STRN3: variants seen among roughly 807,000 people sequenced by gnomAD.
STRN3 encodes striatin 3.
A neutral mutation model predicts 95.6 loss-of-function variants in STRN3; 29 were observed. The ratio of observed to expected loss-of-function variants is 0.30; its 90% confidence interval spans 0.23 to 0.41. The LOEUF (loss-of-function observed/expected upper bound fraction) is 0.41, where lower values mean the gene tolerates loss of function less well. STRN3 is among the 10% of genes least tolerant of loss of function. STRN3 has a pLI of 1.00. For synonymous variants in STRN3, 331 were observed against 357.6 expected, an observed-to-expected ratio of 0.93 and a Z score of 0.84; for missense variants, 890 against 972.1, an observed-to-expected ratio of 0.92 and a Z score of 1.12.
intron 8 of STRN3, among the ~76,000 whole-genome samples, chr14:30,924,336 G>A (rs1221591221): frequency 2.6e-5 from 3 of 115,408 alleles, no homozygotes; most frequent in African/African-American, 9.9e-5. Context: ...CGCCCAGGCT[G>A]GAGTGCAGTG....
chr14:30,918,370 A>T (rs979240877), intron 9 of STRN3, among the ~76,000 whole-genome samples: 1 of 151,920 alleles, frequency 6.6e-6, no homozygotes, highest in Admixed American at 6.6e-5. Flanking sequence ...TGGCCGGGGA[A>T]TGGTGGTGTG....
At chr14:31,014,066 G>A (rs925948501) in intron 1 of STRN3, among the ~76,000 whole-genome samples, 1 of 151,702 alleles carries the variant, frequency 6.6e-6, no homozygotes, top group African/African-American at 2.4e-5. Context: ...ATTGTGTCCA[G>A]CTAATTTTTT....
At chr14:30,930,716 A>G (rs1311309770) in intron 7 of STRN3, among the ~76,000 whole-genome samples, 1 of 152,168 alleles carries the variant, frequency 6.6e-6, no homozygotes, top group African/African-American at 2.4e-5. Context: ...AATTCACTTT[A>G]CTCAATTCGC....
At position 30,968,385 on chromosome 14, in the gene STRN3, A is replaced by T. The variant is rs1163473125; in HGVS notation, c.283-12143T>A. On this transcript the variant is annotated intron_variant, in intron 1 of 17. Coordinates refer to ENST00000357479, the MANE Select transcript of STRN3 (RefSeq NM_001083893.2). ...GTCCTAAAATAAGATTAACTGGTTT[A>T]AAAAAAAAAAAAAAAAACAGGCGTG... Among the ~76,000 whole-genome samples, 6 of 1,488 alleles carry T rather than the reference A, an allele frequency of 4.0e-3. No individual in the cohort carries two copies. In the Non-Finnish European group the frequency reaches 0.1, roughly 26 times the overall value. The allele number at this position is 1,488 out of a possible 152,430, so 1.0% of individuals were successfully genotyped here. A position where few individuals can be genotyped will look rare whatever the true frequency, so the allele number is the denominator to read the frequency against.
At position 31,025,888 on chromosome 14, in the gene STRN3, G is replaced by A. The variant is rs1376740412; in HGVS notation, c.282+16C>T. 6.3e-7 allele frequency: 1 copy of A among 1,594,638 alleles called. No homozygotes were observed. Among genetic ancestry groups the A allele is most frequent in the South Asian group, 1.1e-5 (1 of 88,760 alleles). ...CCAGCCGCCGCAGCTCCCGCACACC[G>A]ACCCCAACGAGGTACCTGCAGTTCG... On this transcript the variant is annotated intron_variant, in intron 1 of 17. Transcript: ENST00000357479.
At chr14:30,991,579 A>G (rs934981391) in intron 1 of STRN3, among the ~76,000 whole-genome samples, 3 of 152,192 alleles carry the variant, frequency 2.0e-5, no homozygotes, top group Non-Finnish European at 4.4e-5. Flanking sequence ...ACTCAGATCA[A>G]ATGGGAGAGG....
At chr14:30,987,566 C>T (rs987876043) in intron 1 of STRN3, among the ~76,000 whole-genome samples, 2 of 151,810 alleles carry the variant, frequency 1.3e-5, no homozygotes, top group Non-Finnish European at 2.9e-5. Flanking sequence ...TAGAGAAATA[C>T]GTCACAACCA....
chr14:30,921,069 TATACACACAC>T (rs1308595711), intron 8 of STRN3, among the ~76,000 whole-genome samples: 211 of 119,954 alleles, frequency 1.8e-3, no homozygotes, highest in Admixed American at 2.6e-3. Context: ...TACACATACA[TATACACACAC>T]ACACACACAC....
Position 30,981,540 on chromosome 14 carries a change from C to T in STRN3, c.283-25298G>A, listed in dbSNP as rs140299743. 2.6e-3 allele frequency among the ~76,000 whole-genome samples: 386 copies of T among 150,114 alleles called. 1 individual carries two copies. The highest frequency in any genetic ancestry group is 8.8e-3 in the African/African-American group (359 of 40,796). On this transcript the variant is annotated intron_variant, in intron 1 of 17. Coordinates refer to ENST00000357479, the MANE Select transcript of STRN3 (RefSeq NM_001083893.2). ...CCATATCACACAAGAGTTTCAAAAC[C>T]TAGCTAATTATGAGAATCACAAGGT...
chr14:30,926,968 G>C (rs1317349612), intron 8 of STRN3, among the ~76,000 whole-genome samples: 1 of 152,066 alleles, frequency 6.6e-6, no homozygotes, highest in East Asian at 1.9e-4. Context: ...TATGATGGTA[G>C]TAGGCAAATT....
chr14:31,006,651 C>T lies in STRN3; in HGVS notation c.282+19253G>A, dbSNP rs146306015. Among the ~76,000 whole-genome samples the T allele has an allele frequency of 1.5e-3, 229 of 151,962 alleles. 2 individuals are homozygous for T. The highest frequency in any genetic ancestry group is 4.2e-3 in the African/African-American group (174 of 41,434). ...CAGAGGTTGCAGTGAGCTGAGATCG[C>T]GCCACTGCACTCCAGCCTGGGCAAC... On this transcript the variant is annotated intron_variant, in intron 1 of 17. Coordinates refer to ENST00000357479, the MANE Select transcript of STRN3 (RefSeq NM_001083893.2).
chr14:30,907,294 TA>T (rs746309548), intron 13 of STRN3, among the ~76,000 whole-genome samples: 3 of 151,278 alleles, frequency 2.0e-5, no homozygotes, highest in East Asian at 1.9e-4. Context: ...TTTTTTTTTT[TA>T]AAACAGCTTT....
rs1594553521 is a variant in STRN3, at chr14:30,993,165, T to C, written c.282+32739A>G. Among the ~76,000 whole-genome samples the C allele has an allele frequency of 2.0e-5, 3 of 151,720 alleles. 1 individual carries two copies. In the Middle Eastern group the frequency reaches 0.01, roughly 523 times the overall value. The stretch of plus-strand genomic sequence containing the variant: ...AGTCCCAGCTATTATACTTGGCAGG[T>C]TGATGCAGGAGCCTGGGAGGTTGAG... On this transcript the variant is annotated intron_variant, in intron 1 of 17. Transcript: ENST00000357479.
intron 12 of STRN3, 30 bp downstream of exon 12, chr14:30,911,747 T>C (rs943817591): frequency 6.4e-7 from 1 of 1,571,974 alleles, no homozygotes; most frequent in Non-Finnish European, 8.7e-7. Context: ...AATGATGATG[T>C]TAATTAAATA....
At chr14:30,917,640 T>A (rs1896774809) in intron 9 of STRN3, among the ~76,000 whole-genome samples, 1 of 152,126 alleles carries the variant, frequency 6.6e-6, no homozygotes, top group South Asian at 2.1e-4. Context: ...GGAAATGAGA[T>A]CTGAAAAAAT....
intron 1 of STRN3, among the ~76,000 whole-genome samples, chr14:30,970,568 T>C (rs975258192): frequency 2.0e-5 from 3 of 152,130 alleles, no homozygotes; most frequent in Non-Finnish European, 4.4e-5. Context: ...AGTTTTATGG[T>C]ATGGGGGCTG....
intron 7 of STRN3, among the ~76,000 whole-genome samples, chr14:30,933,288 A>T (rs995951251): frequency 6.7e-5 from 10 of 150,004 alleles, no homozygotes; most frequent in South Asian, 4.2e-4. Flanking sequence ...CATAAAAAAA[A>T]AAAAAAAAAA....
chr14:30,902,227 G>C (rs1489544482), intron 16 of STRN3, among the ~76,000 whole-genome samples: 1 of 86,626 alleles, frequency 1.2e-5, no homozygotes, highest in African/African-American at 4.2e-5. Context: ...CCAAACACCA[G>C]AAAGAGATCT....
intron 7 of STRN3, among the ~76,000 whole-genome samples, chr14:30,929,968 A>AAAAAAAAAAAAAAAAAAAAACAAAAAAAC (rs1878438058): frequency 1.6e-5 from 2 of 121,838 alleles, no homozygotes; most frequent in African/African-American, 5.7e-5. Context: ...AAAAAAAAAA[A>AAAAAAAAAAAAAAAAAAAAACAAAAAAAC]AAAAAAAAAA....
Sources: allele counts gnomAD v4.1 joint callset (sites outside exome capture counted in the v4.1 genomes callset), GRCh38; gene constraint gnomAD v4.1.1; transcripts MANE v1.5; gene names NCBI Gene and HGNC (gene_info 2026-07-23, HGNC 2026-07-21).